FERMT1: variants seen among roughly 807,000 people sequenced by gnomAD.
The protein encoded by FERMT1 is fermitin family homolog 1.
FERMT1 carries 60 observed loss-of-function variants against 85.3 expected under a neutral mutation model. That is an observed-to-expected ratio of 0.70 (90% CI 0.57 to 0.87). The LOEUF (loss-of-function observed/expected upper bound fraction) is 0.87. FERMT1 is among the 40% of genes least tolerant of loss of function. The probability of loss-of-function intolerance (pLI) is 0.00; values close to 1 mark genes in which losing one functional copy is unlikely to be tolerated. For synonymous variants in FERMT1, 275 were observed against 301.1 expected (o/e 0.91, Z 0.90); for missense variants, 701 against 818.9 (o/e 0.86, Z 1.76).
At chr20:6,089,903 G>C (rs978008097) in intron 9 of FERMT1, among the ~76,000 whole-genome samples, 1 of 152,158 alleles carries the variant, frequency 6.6e-6, no homozygotes, top group Non-Finnish European at 1.5e-5. Context: ...ACAGGGGTTG[G>C]AGATAGGCAG....
chr20:6,113,725 G>A (rs567283672), intron 3 of FERMT1, among the ~76,000 whole-genome samples: 1 of 151,776 alleles, frequency 6.6e-6, no homozygotes, highest in South Asian at 2.1e-4. Context: ...TTACCCTGAG[G>A]CTGTGTCTAC....
rs1403602120 is a variant in FERMT1, at chr20:6,119,576, C to T, written c.-18-4G>A. 1 of 1,611,848 alleles carries T rather than the reference C, an allele frequency of 6.2e-7. No homozygotes were observed. The highest frequency in any genetic ancestry group is 1.1e-5 in the South Asian group (1 of 90,798). ...GCATTGTGGCAAATGCTGGTGTCTG[C>T]TGAACAAAAAGGCAGACATAGATTG... On this transcript the variant is annotated splice_polypyrimidine_tract_variant and splice_region_variant and intron_variant, in intron 1 of 14. Transcript: ENST00000217289.
chr20:6,076,307 T>C lies in FERMT1; in HGVS notation c.*866A>G, dbSNP rs1600420210. The stretch of plus-strand genomic sequence containing the variant: ...CTGGAATCCTTGACACTGGCAGGTG[T>C]TTCTATGAACAGAGAGGACTGTGCC... On this transcript the variant is annotated 3_prime_UTR_variant, in exon 15 of 15. Transcript: ENST00000217289. 4 of 387,260 alleles carry C rather than the reference T, an allele frequency of 1.0e-5. No homozygotes were observed. Among genetic ancestry groups the C allele is most frequent in the Admixed American group, 2.9e-5 (1 of 34,308 alleles). The allele number at this position is 387,260 out of a possible 1,614,324, so 24.0% of individuals were successfully genotyped here. A position where few individuals can be genotyped will look rare whatever the true frequency, so the allele number is the denominator to read the frequency against.
At chr20:6,108,648 A>G (rs1406568667) in intron 5 of FERMT1, among the ~76,000 whole-genome samples, 1 of 152,060 alleles carries the variant, frequency 6.6e-6, no homozygotes, top group Non-Finnish European at 1.5e-5. Context: ...TGTCTCTACT[A>G]AAAACGCAAA....
chr20:6,108,132 C>T (rs2123137023), intron 5 of FERMT1, among the ~76,000 whole-genome samples: 1 of 152,348 alleles, frequency 6.6e-6, no homozygotes, highest in South Asian at 2.1e-4. Flanking sequence ...TCCCAATGTG[C>T]TGGGATTACA....
intron 6 of FERMT1, among the ~76,000 whole-genome samples, chr20:6,098,260 G>C (rs1982564192): frequency 6.6e-6 from 1 of 152,134 alleles, no homozygotes; most frequent in Non-Finnish European, 1.5e-5. Context: ...TAAGTAAACA[G>C]TGTAATAGAA....
At chr20:6,108,518 C>T (rs1201033842) in intron 5 of FERMT1, among the ~76,000 whole-genome samples, 2 of 152,068 alleles carry the variant, frequency 1.3e-5, no homozygotes, top group Non-Finnish European at 2.9e-5. Flanking sequence ...CCTTAAAGAT[C>T]ACAGGCCTCA....
At chr20:6,088,626 CTTT>C (rs11475498) in intron 10 of FERMT1, among the ~76,000 whole-genome samples, 128 of 121,156 alleles carry the variant, frequency 1.1e-3, no homozygotes, top group African/African-American at 3.0e-3. Flanking sequence ...CTGCTCACCT[CTTT>C]TTTTTTTTTT....
At chr20:6,080,321 T>C (rs1981958774) in intron 13 of FERMT1, among the ~76,000 whole-genome samples, 1 of 152,190 alleles carries the variant, frequency 6.6e-6, no homozygotes, top group Non-Finnish European at 1.5e-5. Context: ...TGTGTGTGTG[T>C]GTGTCTTGTA....
chr20:6,091,642 G>C (rs1407004322), intron 9 of FERMT1, among the ~76,000 whole-genome samples: 3 of 152,288 alleles, frequency 2.0e-5, no homozygotes, highest in Non-Finnish European at 2.9e-5. Context: ...ATAAGGTCTT[G>C]GTTTAATCTT....
At chr20:6,083,169 T>C (rs1210052838) in intron 13 of FERMT1, among the ~76,000 whole-genome samples, 1 of 152,208 alleles carries the variant, frequency 6.6e-6, no homozygotes, top group Admixed American at 6.5e-5. Flanking sequence ...AACTGAAGAA[T>C]GTAATTTGAT....
At chr20:6,097,194 C>T (rs1485735035) in intron 7 of FERMT1, among the ~76,000 whole-genome samples, 161 bp from the exon 8 acceptor site, 2 of 152,250 alleles carry the variant, frequency 1.3e-5, no homozygotes, top group South Asian at 2.1e-4. Context: ...ACATTTTAAC[C>T]TGAATCGTTC....
At chr20:6,105,240 C>G (rs1982765872) in intron 6 of FERMT1, among the ~76,000 whole-genome samples, 1 of 152,104 alleles carries the variant, frequency 6.6e-6, no homozygotes, top group Non-Finnish European at 1.5e-5. Flanking sequence ...GCCCATGTGA[C>G]CGAGAGTAGA....
chr20:6,079,855 G>A (rs2123090179), intron 13 of FERMT1, among the ~76,000 whole-genome samples: 1 of 152,308 alleles, frequency 6.6e-6, no homozygotes, highest in South Asian at 2.1e-4. Flanking sequence ...AATGATTACT[G>A]ACTCTGTGTT....
At chr20:6,109,216 G>C (rs145222836) in intron 5 of FERMT1, among the ~76,000 whole-genome samples, 2 of 152,304 alleles carry the variant, frequency 1.3e-5, no homozygotes, top group African/African-American at 2.4e-5. Context: ...AAGGGACAAT[G>C]TGATGTTGGA....
At position 6,113,625 on chromosome 20, in the gene FERMT1, G is replaced by A. The variant is rs73074383; in HGVS notation, c.386-1002C>T. On this transcript the variant is annotated intron_variant, in intron 3 of 14. Coordinates refer to ENST00000217289, the MANE Select transcript of FERMT1 (RefSeq NM_017671.5). ...AGGCTTTGCTCTGATGGCTCACCAG[G>A]GTCTGCACTGCAACAGCCCACATAT... Among the ~76,000 whole-genome samples the A allele has an allele frequency of 2.8e-3, 429 of 152,138 alleles. 1 individual carries two copies. The highest frequency in any genetic ancestry group is 0.01 in the Middle Eastern group (3 of 294).
At chr20:6,097,108 T>A in intron 7 of FERMT1, 75 bp from the exon 8 acceptor site, 2 of 1,468,140 alleles carry the variant, frequency 1.4e-6, no homozygotes, top group Non-Finnish European at 1.9e-6. Context: ...ATTAGCCATT[T>A]TTTTCTTTGA....
intron 2 of FERMT1, among the ~76,000 whole-genome samples, chr20:6,118,531 GTATAT>G (rs1340064895): frequency 6.6e-6 from 1 of 151,988 alleles, no homozygotes; most frequent in African/African-American, 2.4e-5. Context: ...TTTTCTGTAT[GTATAT>G]TATATGTCAG....
intron 2 of FERMT1, among the ~76,000 whole-genome samples, chr20:6,118,569 C>T (rs1453128085): frequency 6.6e-6 from 1 of 151,954 alleles, no homozygotes. Context: ...GAAAAAAAAA[C>T]TATCTTGCTA....
Sources: gnomAD v4.1 joint callset for allele counts (sites outside exome capture counted in the v4.1 genomes callset) on GRCh38, gnomAD v4.1.1 for gene constraint, MANE v1.5 for transcripts, NCBI Gene and HGNC (gene_info 2026-07-23, HGNC 2026-07-21) for gene names.